The following PLP1 variants were observed in gnomAD, a reference collection of about 807,000 sequenced individuals.
PLP1 encodes the protein proteolipid protein 1.
A neutral mutation model predicts 18.5 loss-of-function variants in PLP1; 2 were observed. The ratio of observed to expected loss-of-function variants is 0.11; its 90% CI spans 0.04 to 0.34. The LOEUF is 0.34. PLP1 is among the 10% of genes least tolerant of loss of function. The pLI, the probability that PLP1 is intolerant of heterozygous loss-of-function variation, is 1.00. For synonymous variants in PLP1, 86 were observed against 83.2 expected (o/e 1.03, Z -0.19); for missense variants, 105 against 207.3 (o/e 0.51, Z 3.03).
rs760227141 is a variant in PLP1, at chrX:103,790,712, T to C, written c.*114T>C. Reference sequence around the variant, plus strand: ...TGCCACCAACTGGCCCTCTTCTTACTTGATGAGTGTAACAAGAAAGGAGAG... The same window carrying C: ...TGCCACCAACTGGCCCTCTTCTTACCTGATGAGTGTAACAAGAAAGGAGAG... On this transcript the variant is annotated 3_prime_UTR_variant, in exon 7 of 7. Transcript: ENST00000621218. 1 of 584,595 alleles carries C rather than the reference T, an allele frequency of 1.7e-6. No individual in the cohort carries two copies. Among genetic ancestry groups the C allele is most frequent in the African/African-American group, 2.2e-5 (1 of 45,070 alleles). The allele number at this position is 584,595 out of a possible 1,213,427, so 48.2% of individuals were successfully genotyped here.
At chrX:103,776,749 T>A, upstream of PLP1, 1 of 331,149 alleles carries the variant, frequency 3.0e-6, no homozygotes, top group Non-Finnish European at 5.0e-6. Flanking sequence ...TATCCCTGAG[T>A]AGGTGGGGAA....
In PLP1 at chrX:103,790,837, C is replaced by T. The variant is rs2074539243; in HGVS notation, c.*239C>T. Reference sequence around the variant, plus strand: ...GGTTCCTGCTAGAAATGGGAAATGCCTAAGAAGATGACTTCCCAACTGCAA... The same window carrying T: ...GGTTCCTGCTAGAAATGGGAAATGCTTAAGAAGATGACTTCCCAACTGCAA... On this transcript the variant is annotated 3_prime_UTR_variant, in exon 7 of 7. Coordinates refer to ENST00000621218, the MANE Select transcript of PLP1 (RefSeq NM_000533.5). 2.4e-6 allele frequency: 1 copy of T among 410,163 alleles called. No homozygotes were observed. 33.8% of individuals were successfully genotyped at this position (410,163 alleles called of 1,213,427 possible).
rs2074526155 is a variant in PLP1 at position 103,789,407 on chromosome X, A to G, written c.762+9A>G. The G allele has an allele frequency of 2.6e-5, 31 of 1,179,511 alleles. No homozygotes were observed. Among genetic ancestry groups the G allele is most frequent in the Non-Finnish European group, 3.3e-5 (29 of 866,084 alleles). On this transcript the variant is annotated intron_variant, in intron 6 of 6. Transcript: ENST00000621218. The stretch of plus-strand genomic sequence containing the variant: ...CTACACTGGTTTCCCTGGTGAGTTG[A>G]CTTTGAATGATCTTGGCAAGTAAAT...
At chrX:103,777,959 T>A (rs1837216465) in intron 1 of PLP1, among the ~76,000 whole-genome samples, 1 of 112,401 alleles carries the variant, frequency 8.9e-6, no homozygotes, top group South Asian at 3.7e-4. Context: ...GTAGACAACA[T>A]CCACAGAGAT....
At chrX:103,778,294 C>G (rs1175309685) in intron 1 of PLP1, among the ~76,000 whole-genome samples, 8 of 112,143 alleles carry the variant, frequency 7.1e-5, no homozygotes, top group African/African-American at 2.6e-4. Flanking sequence ...CATGATAATA[C>G]CTACTATTAG....
At position 103,777,013 on chromosome X, in the gene PLP1, A is replaced by C. The variant is rs1021391180; in HGVS notation, c.4+14A>C. The C allele has an allele frequency of 2.5e-6, 3 of 1,190,003 alleles. No homozygotes were observed. The African/African-American group carries it at 5.3e-5, about 21-fold the overall frequency. On this transcript the variant is annotated intron_variant, in intron 1 of 6. Transcript: ENST00000621218. ...CCAAAGACATGGGTAAGTTTCAAAA[A>C]CTTTAGCATTGAAGATTCAAGAGGA...
rs1291866604 is a variant in PLP1 at position 103,792,502 on chromosome X, A to G, written c.*1904A>G. 1 of 112,800 alleles carries G rather than the reference A, an allele frequency of 8.9e-6. No homozygotes were observed. Among genetic ancestry groups the G allele is most frequent in the African/African-American group, 3.2e-5 (1 of 30,970 alleles). 9.3% of individuals were successfully genotyped at this position (112,800 alleles called of 1,213,427 possible). On this transcript the variant is annotated 3_prime_UTR_variant, in exon 7 of 7. Transcript: ENST00000621218. ...TTAATCAACTGAAAGTGTTTCCTTCATTTCTGATATAGAATTGCAATTTTA... is the reference window on the plus strand; with the variant it reads ...TTAATCAACTGAAAGTGTTTCCTTCGTTTCTGATATAGAATTGCAATTTTA...
At chrX:103,786,936 T>C in intron 3 of PLP1, 1 of 447,176 alleles carries the variant, frequency 2.2e-6, no homozygotes, top group South Asian at 3.3e-5. Context: ...TAAGCAAATT[T>C]CTTCTCAAAA....
intron 6 of PLP1, 63 bp from the exon 7 acceptor site, chrX:103,790,464 G>T: frequency 1.3e-6 from 1 of 798,680 alleles, no homozygotes; most frequent in Non-Finnish European, 1.9e-6. Flanking sequence ...TTCCCAAAGG[G>T]ATTTGAGGAG....
intron 1 of PLP1, among the ~76,000 whole-genome samples, chrX:103,779,396 G>A (rs180845568): frequency 2.7e-5 from 3 of 111,855 alleles, no homozygotes; most frequent in Non-Finnish European, 5.6e-5. Flanking sequence ...GCGGCAGAGC[G>A]GGGGTCCAGT....
At chrX:103,778,963 G>A (rs72616842) in intron 1 of PLP1, among the ~76,000 whole-genome samples, 4 of 111,780 alleles carry the variant, frequency 3.6e-5, no homozygotes, top group African/African-American at 9.8e-5. Context: ...TTAAATGTTC[G>A]TACAGCCTCT....
rs756534856 is a variant in PLP1 at position 103,788,734 on chromosome X, C to T, written c.696+224C>T. The T allele has an allele frequency of 5.5e-4, 231 of 420,631 alleles. 1 individual carries two copies. Among genetic ancestry groups the T allele is most frequent in the Non-Finnish European group, 8.2e-4 (198 of 241,241 alleles). 34.7% of individuals were successfully genotyped at this position (420,631 alleles called of 1,213,427 possible). On this transcript the variant is annotated intron_variant, in intron 5 of 6. Transcript: ENST00000621218. ...TAGAAAGACTTCCTTTCCAACCCTT[C>T]CCCTCTTAAAAGAGAAGTTTGTAGC... is the stretch of plus-strand genomic sequence containing the variant.
chrX:103,788,695 T>C (rs2074519968), intron 5 of PLP1, 185 bp downstream of exon 5: 1 of 472,119 alleles, frequency 2.1e-6, no homozygotes, highest in Non-Finnish European at 3.7e-6. Flanking sequence ...ACACCTGTTT[T>C]CTCTAGAGTT....
In PLP1 at chrX:103,787,782, A is replaced by G. The variant is rs779532463; in HGVS notation, c.454-16A>G. The G allele has an allele frequency of 8.3e-7, 1 of 1,198,160 alleles. No individual in the cohort carries two copies. Among genetic ancestry groups the G allele is most frequent in the East Asian group, 3.0e-5 (1 of 33,768 alleles). Reference sequence around the variant, plus strand: ...GCTGATGCTGATTTCTAACCACCCCATGTCAATCATTTTAGTTTGTGGGCA... The same window carrying G: ...GCTGATGCTGATTTCTAACCACCCCGTGTCAATCATTTTAGTTTGTGGGCA... On this transcript the variant is annotated splice_polypyrimidine_tract_variant and intron_variant, in intron 3 of 6. Transcript: ENST00000621218.
intron 1 of PLP1, among the ~76,000 whole-genome samples, chrX:103,777,958 A>C (rs2074423646): frequency 8.9e-6 from 1 of 112,637 alleles, no homozygotes; most frequent in South Asian, 3.7e-4. Context: ...AGTAGACAAC[A>C]TCCACAGAGA....
chrX:103,787,560 A>T, intron 3 of PLP1: 1 of 436,483 alleles, frequency 2.3e-6, no homozygotes, highest in South Asian at 3.4e-5. Flanking sequence ...TAACCCAGGG[A>T]TCCTCCTCAC....
intron 1 of PLP1, 74 bp downstream of exon 1, chrX:103,777,073 G>A: frequency 2.3e-6 from 2 of 881,358 alleles, no homozygotes; most frequent in Non-Finnish European, 3.3e-6. Context: ...CAACTTTGGG[G>A]TTCGGGGGTT....
intron 4 of PLP1, 75 bp from the exon 5 acceptor site, chrX:103,788,362 G>A: frequency 1.4e-6 from 1 of 727,818 alleles, no homozygotes; most frequent in South Asian, 2.1e-5. Context: ...TGGAAGAAGG[G>A]CTCTGGGGGA....
At chrX:103,781,002 C>T (rs2074449006) in intron 1 of PLP1, 1 of 150,546 alleles carries the variant, frequency 6.6e-6, no homozygotes, top group East Asian at 1.5e-4. Context: ...ACTCAATGAG[C>T]CTGCCTGTTG....
Sources: allele counts gnomAD v4.1 joint callset (sites outside exome capture counted in the v4.1 genomes callset), GRCh38; gene constraint gnomAD v4.1.1; transcripts MANE v1.5; gene names NCBI Gene and HGNC (gene_info 2026-07-23, HGNC 2026-07-21).